Variants in PRRX1 observed in about 807,000 individuals in gnomAD.
PRRX1 encodes paired related homeobox 1, also known as paired mesoderm homeobox protein 1.
A neutral mutation model predicts 24.0 loss-of-function variants in PRRX1; 8 were observed. That is an observed-to-expected ratio of 0.33 (90% CI 0.20 to 0.60). The LOEUF is 0.60. Among genes scored for constraint, PRRX1 ranks in the 20% least tolerant of loss-of-function variants. The probability of loss-of-function intolerance (pLI) is 0.82; values close to 1 mark genes in which losing one functional copy is unlikely to be tolerated. For missense variants in PRRX1, 281 were observed against 322.4 expected, an observed-to-expected ratio of 0.87 and a Z score of 0.98; for synonymous variants, 160 against 131.7, an observed-to-expected ratio of 1.22 and a Z score of -1.47.
chr1:170,735,055 A>G (rs549256649), intron 3 of PRRX1, among the ~76,000 whole-genome samples: 258 of 152,302 alleles, frequency 1.7e-3, no homozygotes, highest in Non-Finnish European at 2.7e-3. Flanking sequence ...CTAATCTTAG[A>G]AGCAACTAAA....
intron 1 of PRRX1, among the ~76,000 whole-genome samples, chr1:170,673,528 T>C (rs913432393): frequency 7.2e-5 from 11 of 152,316 alleles, no homozygotes; most frequent in African/African-American, 2.4e-4. Context: ...AGGCCCACCA[T>C]TTTAATAACC....
chr1:170,674,463 C>A (rs1653243912), intron 1 of PRRX1, among the ~76,000 whole-genome samples: 1 of 152,200 alleles, frequency 6.6e-6, no homozygotes, highest in African/African-American at 2.4e-5. Context: ...CCTTGCGAAA[C>A]CTTCTCTGAC....
Position 170,719,897 on chromosome 1 carries a change from T to G in PRRX1, c.413T>G (p.Val138Gly), listed in dbSNP as rs1336441834. Residue 138 changes from valine to glycine, a missense_variant, in exon 2 of 4, where the codon GTG becomes GGG. By Grantham distance (109) the Val-to-Gly change is moderately radical (BLOSUM62 -3). Coordinates refer to ENST00000239461, the MANE Select transcript of PRRX1 (RefSeq NM_022716.4). ...ARRVNLTEAR[V>G]QVWFQNRRAK... The stretch of plus-strand genomic sequence containing the variant: ...CGGGTGAACCTCACCGAGGCGAGAG[T>G]GCAGGTAACTCAAGCTGTGAGAGGC... 6.2e-7 allele frequency: 1 copy of G among 1,613,702 alleles called. No individual in the cohort carries two copies. The highest frequency in any genetic ancestry group is 1.1e-5 in the South Asian group (1 of 91,060).
intron 3 of PRRX1, among the ~76,000 whole-genome samples, chr1:170,733,852 A>G (rs1054047168): frequency 6.6e-6 from 1 of 152,142 alleles, no homozygotes; most frequent in Admixed American, 6.6e-5. Context: ...TAAGGTCTTG[A>G]ATGGAACTGT....
intron 1 of PRRX1, among the ~76,000 whole-genome samples, chr1:170,703,711 C>A (rs976645237): frequency 3.9e-5 from 6 of 152,110 alleles, no homozygotes; most frequent in African/African-American, 9.7e-5. Context: ...AGCCAAACTA[C>A]CAGATATCAG....
chr1:170,684,188 C>G (rs995172422), intron 1 of PRRX1, among the ~76,000 whole-genome samples: 1 of 152,186 alleles, frequency 6.6e-6, no homozygotes, highest in East Asian at 1.9e-4. Context: ...CCCTCGTGCT[C>G]TCAGGTGGCA....
At position 170,726,303 on chromosome 1, in the gene PRRX1, C is replaced by T. The variant is rs1019591697; in HGVS notation, c.501C>T (p.Ser167=). The T allele has an allele frequency of 1.9e-6, 3 of 1,614,042 alleles. No homozygotes were observed. Among genetic ancestry groups the T allele is most frequent in the Non-Finnish European group, 2.5e-6 (3 of 1,179,930 alleles). ...ATAAAAACGCTTCCCTCCTCAAATC[C>T]TACTCAGGAGACGTGACTGCTGTGG... ...LANKNASLLK[S]YSGDVTAVEQ... is the part of the protein sequence containing the mutation. Residue 167 remains serine, a synonymous_variant, in exon 3 of 4, where the codon TCC becomes TCT. Transcript: ENST00000239461.
intron 1 of PRRX1, among the ~76,000 whole-genome samples, chr1:170,686,694 C>T (rs1262102534): frequency 6.6e-6 from 1 of 152,020 alleles, no homozygotes; most frequent in African/African-American, 2.4e-5. Flanking sequence ...CTTTTAATTG[C>T]CTGCATATGG....
intron 1 of PRRX1, among the ~76,000 whole-genome samples, chr1:170,715,290 G>C (rs2187895): frequency 0.85 from 129,072 of 152,198 alleles, 55,277 homozygotes; most frequent in Middle Eastern, 1. Flanking sequence ...TTCTAATATT[G>C]TGGGACTGCT....
intron 1 of PRRX1, among the ~76,000 whole-genome samples, chr1:170,715,513 C>T (rs562790498): frequency 8.1e-4 from 123 of 152,120 alleles, no homozygotes; most frequent in African/African-American, 2.7e-3. Flanking sequence ...TGAATTGGTG[C>T]TATCAGAAAA....
intron 1 of PRRX1, among the ~76,000 whole-genome samples, chr1:170,715,861 T>G (rs1049298768): frequency 1.3e-5 from 2 of 152,224 alleles, no homozygotes; most frequent in African/African-American, 2.4e-5. Context: ...AAATCTGTCT[T>G]TCCTATAAAT....
rs919338009 is a variant in PRRX1, at chr1:170,737,169, C to CAT, written c.*995_*996dup. 1.7e-4 allele frequency: 28 copies of CAT among 160,926 alleles called. No homozygotes were observed. The highest frequency in any genetic ancestry group is 3.7e-4 in the African/African-American group (15 of 40,996). The allele number at this position is 160,926 out of a possible 1,614,324, so 10.0% of individuals were successfully genotyped here. A position where few individuals can be genotyped will look rare whatever the true frequency, so the allele number is the denominator to read the frequency against. The stretch of plus-strand genomic sequence containing the variant: ...TATTTATATATTTATATATATATTT[C>CAT]ATATATATATATAATATTGCAAGCT... On this transcript the variant is annotated 3_prime_UTR_variant, in exon 4 of 4. Coordinates refer to ENST00000239461, the MANE Select transcript of PRRX1 (RefSeq NM_022716.4).
At chr1:170,672,168 C>T (rs1653165237) in intron 1 of PRRX1, among the ~76,000 whole-genome samples, 1 of 152,122 alleles carries the variant, frequency 6.6e-6, no homozygotes, top group Admixed American at 6.5e-5. Flanking sequence ...ACTGATCCTC[C>T]ATTTTTGGGC....
intron 1 of PRRX1, among the ~76,000 whole-genome samples, chr1:170,685,284 G>A (rs1558047941): frequency 6.6e-6 from 1 of 152,108 alleles, no homozygotes; most frequent in Non-Finnish European, 1.5e-5. Flanking sequence ...CTCACCTCCT[G>A]ACGCAGGAGG....
chr1:170,670,498 T>G (rs989656339), intron 1 of PRRX1, among the ~76,000 whole-genome samples: 2 of 152,138 alleles, frequency 1.3e-5, no homozygotes, highest in African/African-American at 2.4e-5. Flanking sequence ...GCAGGTTTGT[T>G]TTTCAGGTGT....
chr1:170,697,156 G>T (rs975731287), intron 1 of PRRX1, among the ~76,000 whole-genome samples: 1 of 152,118 alleles, frequency 6.6e-6, no homozygotes. Context: ...ACGCTCTCCA[G>T]GCAGGAGACA....
chr1:170,683,333 C>T (rs912187544), intron 1 of PRRX1, among the ~76,000 whole-genome samples: 1 of 152,154 alleles, frequency 6.6e-6, no homozygotes, highest in East Asian at 1.9e-4. Context: ...GTGACTCCTA[C>T]AGGGGCTCAG....
intron 1 of PRRX1, among the ~76,000 whole-genome samples, chr1:170,692,660 T>G (rs1046229923): frequency 6.7e-6 from 1 of 149,948 alleles, no homozygotes; most frequent in Non-Finnish European, 1.5e-5. Context: ...ATGGGTCAAA[T>G]AGAGAATCTT....
chr1:170,732,441 C>T (rs1655463603), intron 3 of PRRX1, among the ~76,000 whole-genome samples: 1 of 152,142 alleles, frequency 6.6e-6, no homozygotes, highest in African/African-American at 2.4e-5. Flanking sequence ...GACTAAGATA[C>T]TCTTAGAGTA....
Sources: gnomAD v4.1 joint callset for allele counts (sites outside exome capture counted in the v4.1 genomes callset) on GRCh38, gnomAD v4.1.1 for gene constraint, MANE v1.5 for transcripts, NCBI Gene and HGNC (gene_info 2026-07-23, HGNC 2026-07-21) for gene names.